The following STK10 variants were observed in gnomAD, a reference collection of about 807,000 sequenced individuals.
STK10 encodes the protein serine/threonine-protein kinase 10.
A neutral mutation model predicts 113.8 loss-of-function variants in STK10; 78 were observed. That is an observed-to-expected ratio of 0.69 (90% CI 0.57 to 0.83). The LOEUF is 0.83. Ranked by LOEUF, STK10 falls within the 40% of genes least tolerant of loss-of-function variation. The probability of loss-of-function intolerance (pLI) is 0.00; values close to 1 mark genes in which losing one functional copy is unlikely to be tolerated. For missense variants in STK10, 1,109 were observed against 1,280.1 expected (o/e 0.87, Z 2.04); for synonymous variants, 465 against 494.7 (o/e 0.94, Z 0.80).
chr5:172,049,106 C>A (rs1767570154), intron 18 of STK10, among the ~76,000 whole-genome samples: 1 of 152,142 alleles, frequency 6.6e-6, no homozygotes, highest in Admixed American at 6.5e-5. Context: ...TGTTTCCCTC[C>A]CTGCTTCTTG....
chr5:172,080,841 T>C (rs565318510), intron 12 of STK10, among the ~76,000 whole-genome samples: 6 of 152,386 alleles, frequency 3.9e-5, no homozygotes, highest in African/African-American at 1.4e-4. Flanking sequence ...AGATCATTGA[T>C]GAAAGTGGCT....
At chr5:172,145,379 T>C (rs17671383) in intron 2 of STK10, among the ~76,000 whole-genome samples, 12,461 of 152,046 alleles carry the variant, frequency 0.082, 652 homozygotes, top group South Asian at 0.15. Context: ...TCAACTCAAA[T>C]TGCTAAATGT....
Position 172,082,777 on chromosome 5 carries a change from G to A in STK10, c.1809+184C>T, listed in dbSNP as rs377404942. On this transcript the variant is annotated intron_variant, in intron 11 of 18. Coordinates refer to ENST00000176763, the MANE Select transcript of STK10 (RefSeq NM_005990.4). This position sits in a 1 kb window ranked among gnomAD's most constrained non-coding sequence, Gnocchi z 4.3. ...AGATCCTCCTGTGGGACTCAGGATC[G>A]CTGTGACCTTCACGGGGTTCTGTGT... Among the ~76,000 whole-genome samples the A allele has an allele frequency of 4.7e-4, 71 of 152,264 alleles. No homozygotes were observed. The East Asian group carries it at 8.9e-3, about 19-fold the overall frequency.
At chr5:172,121,425 G>A (rs777367369) in intron 3 of STK10, among the ~76,000 whole-genome samples, 5 of 151,970 alleles carry the variant, frequency 3.3e-5, no homozygotes, top group African/African-American at 9.7e-5. Context: ...CTGCAGCCTC[G>A]ATCTCCCAGG....
At chr5:172,102,389 G>A (rs908724152) in intron 7 of STK10, among the ~76,000 whole-genome samples, 7 of 152,160 alleles carry the variant, frequency 4.6e-5, no homozygotes, top group East Asian at 3.9e-4. Flanking sequence ...GCACGTCGGC[G>A]AAAAGATCCA....
chr5:172,069,463 G>A (rs1159793094), intron 12 of STK10, among the ~76,000 whole-genome samples: 1 of 152,108 alleles, frequency 6.6e-6, no homozygotes, highest in Non-Finnish European at 1.5e-5. Flanking sequence ...AATTATAAAA[G>A]GAAGACTCAG....
intron 1 of STK10, among the ~76,000 whole-genome samples, chr5:172,163,675 A>T (rs10064789): frequency 6.6e-6 from 1 of 152,106 alleles, no homozygotes; most frequent in African/African-American, 2.4e-5. Flanking sequence ...CTAGTCATTC[A>T]TTCAACCACT....
intron 1 of STK10, among the ~76,000 whole-genome samples, chr5:172,170,375 C>T (rs1478248823): frequency 2.0e-5 from 3 of 152,170 alleles, no homozygotes; most frequent in Non-Finnish European, 4.4e-5. Context: ...ATGTACACAG[C>T]TGAGTCCTGC....
At chr5:172,090,901 C>T (rs1768686846) in intron 9 of STK10, among the ~76,000 whole-genome samples, 1 of 142,228 alleles carries the variant, frequency 7.0e-6, no homozygotes, top group South Asian at 2.2e-4. Context: ...CGCCACTGCA[C>T]TCCAGCCTGG....
At chr5:172,095,273 A>C (rs1768822858) in intron 8 of STK10, among the ~76,000 whole-genome samples, 1 of 152,216 alleles carries the variant, frequency 6.6e-6, no homozygotes, top group South Asian at 2.1e-4. Flanking sequence ...TCAAAAACGC[A>C]GATCTGATTC....
chr5:172,092,813 C>T (rs1030669710), intron 9 of STK10: 9 of 152,310 alleles, frequency 5.9e-5, no homozygotes, highest in African/African-American at 2.2e-4. Context: ...ATGGCTCCCA[C>T]TGGGAAGGTT....
rs371185883 is a variant in STK10, at chr5:172,156,772, G to A, written c.173C>T (p.Thr58Met). 1.9e-5 allele frequency: 31 copies of A among 1,613,698 alleles called. No homozygotes were observed. The highest frequency in any genetic ancestry group is 3.3e-5 in the Admixed American group (2 of 59,986). The change falls in exon 2 of 19, where the codon ACG becomes ATG. Residue 58 changes from threonine to methionine, a missense_variant. Around this residue, in one of 5 missense-constraint regions of STK10, gnomAD observed 120 missense variants for 134.8 expected, o/e 0.89. Coordinates refer to ENST00000176763, the MANE Select transcript of STK10 (RefSeq NM_005990.4). The stretch of plus-strand genomic sequence containing the variant: ...GACTTTGGCCGCAGCCAAAGCACCC[G>A]TCTCCTTATTCTTGGCCTGCAAAGA... Reference protein sequence around the residue: ...GKVYKAKNKETGALAAAKVIE... With the variant: ...GKVYKAKNKEMGALAAAKVIE...
chr5:172,121,636 G>A (rs573183641), intron 3 of STK10, among the ~76,000 whole-genome samples: 9 of 152,090 alleles, frequency 5.9e-5, no homozygotes, highest in Admixed American at 3.3e-4. Context: ...GAGAAACCCC[G>A]TCTCTACTAA....
intron 10 of STK10, among the ~76,000 whole-genome samples, chr5:172,087,131 TG>T (rs1457364691): frequency 5.9e-5 from 9 of 151,364 alleles, no homozygotes; most frequent in Admixed American, 2.0e-4. Flanking sequence ...TGTGTGTGTG[TG>T]TGTGTGTGTG....
chr5:172,061,326 C>G, intron 13 of STK10, 58 bp from the exon 14 acceptor site: 1 of 1,539,936 alleles, frequency 6.5e-7, no homozygotes, highest in Admixed American at 2.2e-5. Context: ...ACCTCCATGT[C>G]TCTTCCTATT....
At chr5:172,126,740 C>T (rs1769629256) in intron 3 of STK10, among the ~76,000 whole-genome samples, 1 of 152,308 alleles carries the variant, frequency 6.6e-6, no homozygotes, top group Middle Eastern at 3.4e-3. Flanking sequence ...TTGCCCAGGA[C>T]ATTGAGACCT....
At chr5:172,165,229 T>C (rs1164671115) in intron 1 of STK10, among the ~76,000 whole-genome samples, 1 of 151,938 alleles carries the variant, frequency 6.6e-6, no homozygotes, top group African/African-American at 2.4e-5. Context: ...AAATAGCTGA[T>C]ATCACAGACC....
At chr5:172,148,136 G>C (rs1770123073) in intron 2 of STK10, among the ~76,000 whole-genome samples, 1 of 152,076 alleles carries the variant, frequency 6.6e-6, no homozygotes, top group Non-Finnish European at 1.5e-5. Flanking sequence ...TCCAACCCTG[G>C]ACACACTGTG....
intron 1 of STK10, among the ~76,000 whole-genome samples, chr5:172,178,663 G>C (rs547694940): frequency 5.4e-4 from 82 of 152,320 alleles, no homozygotes; most frequent in African/African-American, 1.9e-3. Context: ...TGCCTGAAAG[G>C]ACACAGTGGC....
Sources: gnomAD v4.1 joint callset for allele counts (sites outside exome capture counted in the v4.1 genomes callset) on GRCh38, gnomAD v4.1.1 for gene constraint, gnomAD v4.1.1 regional missense constraint, Gnocchi (gnomAD v3.1) non-coding constraint, MANE v1.5 for transcripts, NCBI Gene and HGNC (gene_info 2026-07-23, HGNC 2026-07-21) for gene names.